Variants in VAV2 observed in about 807,000 individuals in gnomAD.
The protein encoded by VAV2 is vav guanine nucleotide exchange factor 2.
In VAV2, 67 loss-of-function variants were observed where a neutral mutation model predicts 132.5. That is an observed-to-expected ratio of 0.51 (90% confidence interval 0.42 to 0.62). VAV2 has a LOEUF of 0.62. VAV2 is among the 20% of genes least tolerant of loss of function. The pLI is 0.00. For synonymous variants in VAV2, 492 were observed against 443.5 expected (o/e 1.11, Z -1.37); for missense variants, 938 against 1,153.6 (o/e 0.81, Z 2.71).
At chr9:133,975,673 G>T (rs901490715) in intron 1 of VAV2, among the ~76,000 whole-genome samples, 1 of 152,236 alleles carries the variant, frequency 6.6e-6, no homozygotes, top group Admixed American at 6.5e-5. Context: ...ATGGCCAAGG[G>T]AAGCCCACAC....
chr9:133,954,768 GTGTGC>G (rs1564497346), intron 1 of VAV2, among the ~76,000 whole-genome samples: 1 of 135,916 alleles, frequency 7.4e-6, no homozygotes, highest in African/African-American at 3.0e-5. Context: ...GTGTTCATGT[GTGTGC>G]ACATGTATGT....
chr9:133,794,626 G>A lies in VAV2; in HGVS notation c.1101+1042C>T, dbSNP rs1194290735. Among the ~76,000 whole-genome samples the A allele has an allele frequency of 1.3e-5, 2 of 152,208 alleles. No individual in the cohort carries two copies. Among genetic ancestry groups the A allele is most frequent in the East Asian group, 1.9e-4 (1 of 5,184 alleles). ...CCCAGGGGGGCTGCCCAGAGGGCAG[G>A]GGCCAGGTGTCAGAGGGCAGGACTG... On this transcript the variant is annotated intron_variant, in intron 12 of 29. Transcript: ENST00000371850. This position sits in a 1 kb window ranked among gnomAD's most constrained non-coding sequence, Gnocchi z 4.6.
intron 12 of VAV2, 29 bp downstream of exon 12, chr9:133,795,639 T>A: frequency 6.2e-7 from 1 of 1,613,428 alleles, no homozygotes; most frequent in Non-Finnish European, 8.5e-7. Flanking sequence ...AGACGGTGGC[T>A]TCTCCCCTGC....
In VAV2 at chr9:133,791,785, A is replaced by T; in HGVS notation, c.1186T>A (p.Leu396Met). The T allele has an allele frequency of 6.2e-7, 1 of 1,614,056 alleles. No homozygotes were observed. Among genetic ancestry groups the T allele is most frequent in the Non-Finnish European group, 8.5e-7 (1 of 1,179,966 alleles). Residue 396 changes from leucine to methionine, a missense_variant and splice_region_variant, in exon 13 of 30, where the codon TTG (leucine) becomes ATG (methionine). Transcript: ENST00000371850. The part of the protein sequence containing the change: ...ISEFQSSIEN[L>M]QVKLEEFGRP... ...CCTGAAGAGTCAGTCTCACTCACCA[A>T]ATTTTCTATAGAACTCTGAAATTCG...
chr9:133,822,512 T>C (rs1201363006), intron 4 of VAV2, among the ~76,000 whole-genome samples: 1 of 152,178 alleles, frequency 6.6e-6, no homozygotes, highest in African/African-American at 2.4e-5. Flanking sequence ...AGAACCGCTT[T>C]ACACATCAGG....
At chr9:133,968,163 C>G (rs1417473530) in intron 1 of VAV2, among the ~76,000 whole-genome samples, 1 of 152,064 alleles carries the variant, frequency 6.6e-6, no homozygotes, top group Non-Finnish European at 1.5e-5. Context: ...TTAACGATAA[C>G]TTCTTGCATA....
intron 23 of VAV2, among the ~76,000 whole-genome samples, chr9:133,776,493 T>C (rs1431601434): frequency 6.6e-6 from 1 of 152,068 alleles, no homozygotes; most frequent in Non-Finnish European, 1.5e-5. Flanking sequence ...AGTGAGCAGG[T>C]AGGGCTCCCT....
Position 133,827,227 on chromosome 9 carries a change from G to A in VAV2, c.449+7045C>T, listed in dbSNP as rs1371890637. ...CATGGGCATCGCCAGCTACTGCTGTGCCCACTGGGGCTGACCACTGAGCGG... is the reference window on the plus strand; with the variant it reads ...CATGGGCATCGCCAGCTACTGCTGTACCCACTGGGGCTGACCACTGAGCGG... On this transcript the variant is annotated intron_variant, in intron 4 of 29. Coordinates refer to ENST00000371850, the MANE Select transcript of VAV2 (RefSeq NM_001134398.2). Among the ~76,000 whole-genome samples, 19 of 104,302 alleles carry A rather than the reference G, an allele frequency of 1.8e-4. 1 individual carries two copies. Among genetic ancestry groups the A allele is most frequent in the African/African-American group, 6.5e-4 (18 of 27,650 alleles). The allele number at this position is 104,302 out of a possible 152,430, so 68.4% of individuals were successfully genotyped here.
chr9:133,971,609 G>A (rs975859748), intron 1 of VAV2, among the ~76,000 whole-genome samples: 1 of 152,208 alleles, frequency 6.6e-6, no homozygotes, highest in African/African-American at 2.4e-5. Flanking sequence ...ATTTCATACT[G>A]CAAAGGACAA....
intron 13 of VAV2, among the ~76,000 whole-genome samples, chr9:133,791,523 GTCCCC>G: frequency 6.6e-6 from 1 of 151,380 alleles, no homozygotes; most frequent in Non-Finnish European, 1.5e-5. Context: ...TCCCTCCCCT[GTCCCC>G]TCCCCTCCCC....
In VAV2 at chr9:133,973,696, G is replaced by A. The variant is rs571434876; in HGVS notation, c.204+18379C>T. Among the ~76,000 whole-genome samples, 80 of 152,278 alleles carry A rather than the reference G, an allele frequency of 5.3e-4. 1 individual carries two copies. Among genetic ancestry groups the A allele is most frequent in the African/African-American group, 1.8e-3 (73 of 41,568 alleles). On this transcript the variant is annotated intron_variant, in intron 1 of 29. Coordinates refer to ENST00000371850, the MANE Select transcript of VAV2 (RefSeq NM_001134398.2). ...GCAGGTGAGGAACCCTAGATACCCCGCACAAGGGTGACGCCCTCGCCCTTT... is the reference window on the plus strand; with the variant it reads ...GCAGGTGAGGAACCCTAGATACCCCACACAAGGGTGACGCCCTCGCCCTTT...
chr9:133,900,875 T>C (rs1350961035), intron 2 of VAV2, among the ~76,000 whole-genome samples: 1 of 151,932 alleles, frequency 6.6e-6, no homozygotes, highest in Non-Finnish European at 1.5e-5. Context: ...CTCAACTCAC[T>C]GCAACCTCCG....
At position 133,824,520 on chromosome 9, in the gene VAV2, C is replaced by T. The variant is rs1835910554; in HGVS notation, c.449+9752G>A. Reference sequence around the variant, plus strand: ...GGGGGTAAGAGCAGGTTTCCTAAATCACACTTTGGCAAATCCTACGCACTC... The same window carrying T: ...GGGGGTAAGAGCAGGTTTCCTAAATTACACTTTGGCAAATCCTACGCACTC... On this transcript the variant is annotated intron_variant, in intron 4 of 29. Transcript: ENST00000371850. This position sits in a 1 kb window ranked among gnomAD's most constrained non-coding sequence, Gnocchi z 5.2. 6.6e-6 allele frequency among the ~76,000 whole-genome samples: 1 copy of T among 152,170 alleles called. No individual in the cohort carries two copies. The highest frequency in any genetic ancestry group is 2.1e-4 in the South Asian group (1 of 4,832).
chr9:133,953,700 C>T (rs760967372), intron 1 of VAV2, among the ~76,000 whole-genome samples: 21 of 152,246 alleles, frequency 1.4e-4, no homozygotes, highest in Middle Eastern at 3.4e-3. Flanking sequence ...GGCTCAGGCA[C>T]AGGGTGGGGC....
chr9:133,905,304 C>T (rs10123947), intron 2 of VAV2, among the ~76,000 whole-genome samples: 21,718 of 150,524 alleles, frequency 0.14, 2,033 homozygotes, highest in African/African-American at 0.24. Context: ...GGCGTGGTGG[C>T]GGGCACCTGT....
intron 2 of VAV2, among the ~76,000 whole-genome samples, chr9:133,921,225 G>C (rs956940217): frequency 9.2e-5 from 14 of 152,310 alleles, no homozygotes; most frequent in Non-Finnish European, 8.8e-5. Flanking sequence ...GTGCGTGCCG[G>C]AGTGTGGGCT....
chr9:133,790,237 C>T (rs1350926603), intron 13 of VAV2, among the ~76,000 whole-genome samples: 3 of 152,164 alleles, frequency 2.0e-5, no homozygotes, highest in African/African-American at 4.8e-5. Flanking sequence ...AGTGCAGTGG[C>T]GCAATCGTGG....
chr9:133,871,534 G>A (rs560508840), intron 2 of VAV2, among the ~76,000 whole-genome samples: 2 of 151,884 alleles, frequency 1.3e-5, no homozygotes, highest in African/African-American at 2.4e-5. Flanking sequence ...GATGGATGCC[G>A]ACTCAGAGAG....
chr9:133,799,836 A>C (rs1834861828), intron 9 of VAV2, among the ~76,000 whole-genome samples: 1 of 152,154 alleles, frequency 6.6e-6, no homozygotes, highest in South Asian at 2.1e-4. Context: ...GGAGAGAAGG[A>C]ACAGAGGGAC....
Sources: gnomAD v4.1 joint callset for allele counts (sites outside exome capture counted in the v4.1 genomes callset) on GRCh38, gnomAD v4.1.1 for gene constraint, Gnocchi (gnomAD v3.1) non-coding constraint, MANE v1.5 for transcripts, NCBI Gene and HGNC (gene_info 2026-07-23, HGNC 2026-07-21) for gene names.